EYS: variants seen among roughly 807,000 people sequenced by gnomAD.
EYS encodes EGF-like photoreceptor maintenance factor, also known as protein eyes shut homolog.
EYS carries 250 observed loss-of-function variants against 282.1 expected under a neutral mutation model. That is an observed-to-expected ratio of 0.89 (90% CI 0.80 to 0.98). The LOEUF is 0.98. EYS is among the 50% of genes least tolerant of loss of function. The probability of loss-of-function intolerance (pLI) is 0.00; values close to 1 mark genes in which losing one functional copy is unlikely to be tolerated. For missense variants in EYS, 4,016 were observed against 3,709.0 expected, an observed-to-expected ratio of 1.08 and a Z score of -2.15; for synonymous variants, 1,355 against 1,282.9, an observed-to-expected ratio of 1.06 and a Z score of -1.20.
chr6:65,389,239 G>A (rs572800891), intron 7 of EYS, among the ~76,000 whole-genome samples: 3 of 152,118 alleles, frequency 2.0e-5, no homozygotes, highest in South Asian at 4.1e-4. Context: ...CTTTACAAAG[G>A]CATTCATGAT....
intron 29 of EYS, among the ~76,000 whole-genome samples, chr6:64,313,891 C>T (rs549418243): frequency 7.0e-4 from 106 of 152,134 alleles, no homozygotes; most frequent in African/African-American, 2.5e-3. Flanking sequence ...AAGGAACAAC[C>T]GGTACCAGCC....
chr6:64,659,651 T>C (rs1768916140), intron 22 of EYS, among the ~76,000 whole-genome samples: 1 of 152,044 alleles, frequency 6.6e-6, no homozygotes. Context: ...ATATATAAAT[T>C]CCTTGACACA....
At chr6:64,993,382 G>A (rs937359691) in intron 14 of EYS, among the ~76,000 whole-genome samples, 1 of 151,676 alleles carries the variant, frequency 6.6e-6, no homozygotes, top group Non-Finnish European at 1.5e-5. Context: ...ATACACCATG[G>A]ACTACTACGC....
Position 65,440,511 on chromosome 6 carries a change from C to A in EYS, c.863-35144G>T, listed in dbSNP as rs1768272679. ...CCCATTATAATATCAAGAAAAAAAT[C>A]CCAGAGAATAGAGTTTGAGAAACAT... On this transcript the variant is annotated intron_variant, in intron 5 of 42. Transcript: ENST00000503581. Among the ~76,000 whole-genome samples the A allele has an allele frequency of 2.0e-5, 3 of 151,524 alleles. No individual in the cohort carries two copies. The South Asian group carries it at 6.2e-4, about 31-fold the overall frequency.
intron 26 of EYS, among the ~76,000 whole-genome samples, chr6:64,465,730 AG>A (rs1378286845): frequency 2.1e-4 from 28 of 132,228 alleles, no homozygotes; most frequent in Middle Eastern, 4.0e-3. Flanking sequence ...AGGCCAAAAA[AG>A]TAAAAAAAAA....
chr6:64,510,931 G>C (rs1037742544), intron 26 of EYS, among the ~76,000 whole-genome samples: 17 of 151,852 alleles, frequency 1.1e-4, no homozygotes, highest in African/African-American at 4.1e-4. Context: ...TTCCCACCTG[G>C]GGCCACGCTT....
chr6:64,805,655 A>C (rs916382714), intron 22 of EYS, among the ~76,000 whole-genome samples: 4 of 151,476 alleles, frequency 2.6e-5, no homozygotes, highest in Non-Finnish European at 5.9e-5. Flanking sequence ...AAAGTTATGC[A>C]AAAGCTGGAA....
chr6:64,428,152 C>A (rs1298795811), intron 28 of EYS, among the ~76,000 whole-genome samples: 2 of 152,100 alleles, frequency 1.3e-5, no homozygotes, highest in African/African-American at 4.8e-5. Context: ...TTGCAAGTTT[C>A]TCTTAATAAG....
At chr6:65,033,881 A>C (rs912944951) in intron 13 of EYS, among the ~76,000 whole-genome samples, 6 of 152,140 alleles carry the variant, frequency 3.9e-5, no homozygotes, top group African/African-American at 7.2e-5. Context: ...GACAGCTTGC[A>C]CCCTGTGCCT....
chr6:65,273,285 T>A (rs560535620), intron 12 of EYS, among the ~76,000 whole-genome samples: 1 of 152,302 alleles, frequency 6.6e-6, no homozygotes, highest in South Asian at 2.1e-4. Context: ...AAGTGGGGAC[T>A]ACTGGACTGT....
At chr6:64,686,836 T>C (rs1339511788) in intron 22 of EYS, among the ~76,000 whole-genome samples, 736 of 18,064 alleles carry the variant, frequency 0.041, 142 homozygotes, top group African/African-American at 0.097. Flanking sequence ...TATATATATA[T>C]ACGTGTATAT....
intron 19 of EYS, among the ~76,000 whole-genome samples, chr6:64,836,491 T>G (rs1024655619): frequency 1.3e-5 from 2 of 151,554 alleles, no homozygotes; most frequent in African/African-American, 4.8e-5. Context: ...GAAATATTTT[T>G]CTAGGCAAAA....
chr6:65,114,768 A>G (rs1775319623), intron 12 of EYS, among the ~76,000 whole-genome samples: 1 of 151,988 alleles, frequency 6.6e-6, no homozygotes, highest in African/African-American at 2.4e-5. Flanking sequence ...ACAGGTTAAC[A>G]ACCAACTGCA....
At chr6:64,535,389 C>G (rs796982358) in intron 26 of EYS, among the ~76,000 whole-genome samples, 15 of 152,150 alleles carry the variant, frequency 9.9e-5, no homozygotes, top group African/African-American at 2.9e-4. Flanking sequence ...AACAGAATAA[C>G]ATGTATTTAG....
At chr6:64,337,339 C>T (rs1434355130) in intron 29 of EYS, among the ~76,000 whole-genome samples, 1 of 151,870 alleles carries the variant, frequency 6.6e-6, no homozygotes, top group Non-Finnish European at 1.5e-5. Flanking sequence ...TCATTCAAGG[C>T]TACTATGAAC....
chr6:64,557,057 A>G (rs1275615428), intron 26 of EYS, among the ~76,000 whole-genome samples: 8 of 151,958 alleles, frequency 5.3e-5, no homozygotes. Flanking sequence ...AAAAATAACA[A>G]TACCTTTTTA....
intron 33 of EYS, among the ~76,000 whole-genome samples, chr6:64,046,609 A>G (rs1160940124): frequency 6.6e-6 from 1 of 152,058 alleles, no homozygotes; most frequent in Non-Finnish European, 1.5e-5. Flanking sequence ...TGAGGGAGAA[A>G]CAGTGTCCTG....
At chr6:64,706,807 A>C (rs1202401417) in intron 22 of EYS, among the ~76,000 whole-genome samples, 1 of 152,178 alleles carries the variant, frequency 6.6e-6, no homozygotes, top group African/African-American at 2.4e-5. Context: ...AAAAAAATCA[A>C]AAAATAATAC....
chr6:65,357,307 TTAAAGTGTTTTTTGGCTTGC>T (rs1461439702), intron 8 of EYS, among the ~76,000 whole-genome samples: 10 of 152,140 alleles, frequency 6.6e-5, no homozygotes, highest in African/African-American at 2.2e-4. Flanking sequence ...GATTTTAGTC[TTAAAGTGTTTTTTGGCTTGC>T]TATATGAAAT....
Sources: allele counts gnomAD v4.1 joint callset (sites outside exome capture counted in the v4.1 genomes callset), GRCh38; gene constraint gnomAD v4.1.1; transcripts MANE v1.5; gene names NCBI Gene and HGNC (gene_info 2026-07-23, HGNC 2026-07-21).